Variants in ALG14 observed in about 807,000 individuals in gnomAD.
ALG14 encodes ALG14 UDP-N-acetylglucosaminyltransferase subunit, also known as UDP-N-acetylglucosamine transferase subunit ALG14.
Under a neutral mutation model 22.8 loss-of-function variants are expected in ALG14, and 17 were observed. The observed-to-expected ratio is 0.75, with a 90% CI of 0.51 to 1.12. The LOEUF is 1.12. Ranked by LOEUF, ALG14 falls within the 50% of genes most tolerant of loss-of-function variation. The pLI is 0.00. For synonymous variants in ALG14, 89 were observed against 103.7 expected (o/e 0.86, Z 0.86); for missense variants, 288 against 271.8 (o/e 1.06, Z -0.42).
Position 95,027,165 on chromosome 1 carries a change from G to T in ALG14, c.384C>A (p.Leu128=). 1 of 1,614,116 alleles carries T rather than the reference G, an allele frequency of 6.2e-7. No individual in the cohort carries two copies. Among genetic ancestry groups the T allele is most frequent in the Non-Finnish European group, 8.5e-7 (1 of 1,179,964 alleles). The change falls in exon 3 of 4, where the codon CTC becomes CTA. Residue 128 remains leucine, a synonymous_variant. Transcript: ENST00000370205. ...TVFTTLHSMW[L]SFPLIHRVKP... ...TCACCCTGTGAATTAGGGGAAAGGA[G>T]AGCCACATGGAGTGCAAGGTGGTGA...
chr1:95,060,396 G>A (rs187576198), intron 2 of ALG14, among the ~76,000 whole-genome samples: 6 of 152,150 alleles, frequency 3.9e-5, no homozygotes, highest in Admixed American at 1.3e-4. Flanking sequence ...ATTGCACTTC[G>A]AAAATACAAA....
At chr1:95,032,713 C>T (rs1188170644) in intron 2 of ALG14, among the ~76,000 whole-genome samples, 1 of 152,148 alleles carries the variant, frequency 6.6e-6, no homozygotes, top group African/African-American at 2.4e-5. Flanking sequence ...ACCTGCTATG[C>T]TGCCAGGCAG....
At chr1:95,056,035 A>G (rs1674922995) in intron 2 of ALG14, among the ~76,000 whole-genome samples, 1 of 151,350 alleles carries the variant, frequency 6.6e-6, no homozygotes, top group Admixed American at 6.6e-5. Flanking sequence ...AACAAAAACA[A>G]AAACAAAAAA....
At chr1:95,037,320 G>A (rs1674232360) in intron 2 of ALG14, among the ~76,000 whole-genome samples, 1 of 152,140 alleles carries the variant, frequency 6.6e-6, no homozygotes, top group African/African-American at 2.4e-5. Context: ...AATCATTCCT[G>A]GCTACAATGA....
At chr1:95,050,327 A>G (rs1408686831) in intron 2 of ALG14, among the ~76,000 whole-genome samples, 1 of 152,218 alleles carries the variant, frequency 6.6e-6, no homozygotes, top group Non-Finnish European at 1.5e-5. Context: ...ATTGCAACTT[A>G]CACAATTATA....
intron 3 of ALG14, among the ~76,000 whole-genome samples, chr1:94,999,609 T>TCCAGCTC (rs1249724179): frequency 6.6e-6 from 1 of 152,104 alleles, no homozygotes; most frequent in African/African-American, 2.4e-5. Flanking sequence ...GGATTCCCTC[T>TCCAGCTC]CCAGCTCCCT....
chr1:95,018,876 T>C (rs1426965795), intron 3 of ALG14, among the ~76,000 whole-genome samples: 1 of 152,206 alleles, frequency 6.6e-6, no homozygotes, highest in East Asian at 1.9e-4. Flanking sequence ...AGGCACTGCC[T>C]CCACTAACAA....
intron 1 of ALG14, among the ~76,000 whole-genome samples, chr1:95,071,685 C>T (rs957193923): frequency 5.9e-5 from 9 of 152,192 alleles, no homozygotes; most frequent in Non-Finnish European, 1.0e-4. Flanking sequence ...TCCCAGCCCT[C>T]GAAACCCTGG....
intron 2 of ALG14, among the ~76,000 whole-genome samples, chr1:95,052,793 G>C (rs1674791734): frequency 6.6e-6 from 1 of 151,244 alleles, no homozygotes; most frequent in Non-Finnish European, 1.5e-5. Context: ...GGAGACACAG[G>C]TTGTACTGAG....
At chr1:95,033,420 TACACAC>T (rs374040999) in intron 2 of ALG14, among the ~76,000 whole-genome samples, 121 of 139,664 alleles carry the variant, frequency 8.7e-4, no homozygotes, top group East Asian at 7.6e-3. Context: ...TATATATATA[TACACAC>T]ACACACACAC....
At chr1:95,072,667 CAAG>C in intron 1 of ALG14, 93 bp downstream of exon 1, 1 of 1,513,456 alleles carries the variant, frequency 6.6e-7, no homozygotes, top group South Asian at 1.2e-5. Flanking sequence ...TGCAACACTC[CAAG>C]AAGTGCTAAG....
intron 2 of ALG14, among the ~76,000 whole-genome samples, chr1:95,035,244 G>T (rs1195178149): frequency 2.0e-5 from 3 of 151,938 alleles, no homozygotes; most frequent in Non-Finnish European, 4.4e-5. Context: ...TTTCTTTGTA[G>T]TTCAATGTGT....
At chr1:95,020,352 C>G (rs1673627446) in intron 3 of ALG14, among the ~76,000 whole-genome samples, 1 of 151,946 alleles carries the variant, frequency 6.6e-6, no homozygotes, top group African/African-American at 2.4e-5. Flanking sequence ...ATTAGAAAGA[C>G]CATGAAGGAG....
chr1:94,983,093 G>A lies in ALG14; in HGVS notation c.634C>T (p.Leu212Phe). The change falls in exon 4 of 4, where the codon CTT becomes TTT. Residue 212 changes from leucine to phenylalanine, a missense_variant. Physicochemically the swap from Leu to Phe is conservative, Grantham distance 22 (BLOSUM62 0). Coordinates refer to ENST00000370205, the MANE Select transcript of ALG14 (RefSeq NM_144988.4). ...LKEKYPKSVY[L>F]GRIV is the part of the protein sequence containing the mutation. ...GCCATTTGTCAAACAATTCGCCCAA[G>A]GTACACCGATTTGGGATACTTTTCT... is the stretch of plus-strand genomic sequence containing the variant. The A allele has an allele frequency of 1.2e-6, 2 of 1,614,054 alleles. No homozygotes were observed. Among genetic ancestry groups the A allele is most frequent in the East Asian group, 2.2e-5 (1 of 44,868 alleles).
chr1:94,997,782 G>A (rs553429399), intron 3 of ALG14, among the ~76,000 whole-genome samples: 36 of 152,296 alleles, frequency 2.4e-4, no homozygotes, highest in African/African-American at 7.0e-4. Flanking sequence ...TAGTTTCTCC[G>A]TACAGGGCTG....
At chr1:95,068,087 A>G (rs1408002462) in intron 1 of ALG14, among the ~76,000 whole-genome samples, 1 of 152,068 alleles carries the variant, frequency 6.6e-6, no homozygotes, top group Non-Finnish European at 1.5e-5. Flanking sequence ...ATCTCCCTCT[A>G]TCCATGCCTC....
chr1:95,065,079 A>C, intron 1 of ALG14, 62 bp from the exon 2 acceptor site: 1 of 1,439,466 alleles, frequency 6.9e-7, no homozygotes, highest in Non-Finnish European at 9.4e-7. Context: ...CCATTTGACC[A>C]TGTTATACCA....
chr1:95,058,162 T>C (rs1430519941), intron 2 of ALG14, among the ~76,000 whole-genome samples: 1 of 151,156 alleles, frequency 6.6e-6, no homozygotes, highest in Non-Finnish European at 1.5e-5. Flanking sequence ...GGCACATGCC[T>C]GTAATCCCAG....
At chr1:94,991,503 G>A (rs1007819685) in intron 3 of ALG14, among the ~76,000 whole-genome samples, 9 of 152,164 alleles carry the variant, frequency 5.9e-5, no homozygotes, top group African/African-American at 1.9e-4. Flanking sequence ...AGAGAAAGTA[G>A]AGTAAAAATA....
Sources: gnomAD v4.1 joint callset for allele counts (sites outside exome capture counted in the v4.1 genomes callset) on GRCh38, gnomAD v4.1.1 for gene constraint, MANE v1.5 for transcripts, NCBI Gene and HGNC (gene_info 2026-07-23, HGNC 2026-07-21) for gene names.